HMCN2: variants seen among roughly 807,000 people sequenced by gnomAD.
The protein encoded by HMCN2 is hemicentin 2, also known as hemicentin-2.
A neutral mutation model predicts 377.5 loss-of-function variants in HMCN2; 325 were observed. The observed-to-expected ratio is 0.86, with a 90% CI of 0.79 to 0.94. HMCN2 has a LOEUF of 0.94. HMCN2 is among the 40% of genes least tolerant of loss of function. HMCN2 has a pLI of 0.00. For missense variants in HMCN2, 4,543 were observed against 4,725.3 expected, an observed-to-expected ratio of 0.96 and a Z score of 1.13; for synonymous variants, 2,007 against 2,046.8, an observed-to-expected ratio of 0.98 and a Z score of 0.53.
intron 1 of HMCN2, among the ~76,000 whole-genome samples, chr9:130,269,556 C>A (rs1554920380): frequency 6.8e-6 from 1 of 147,938 alleles, no homozygotes; most frequent in African/African-American, 2.4e-5. Context: ...AGCACAGCCA[C>A]CCCCAACACT....
At position 130,407,609 on chromosome 9, in the gene HMCN2, C is replaced by T. The variant is rs1249812343; in HGVS notation, c.12592C>T (p.Arg4198Trp). Reference sequence around the variant, plus strand: ...GCAGGATGGAGGCAGCACGCTGCAGCGGGCCGCTGTCTCCAGAGAAGACAG... The same window carrying T: ...GCAGGATGGAGGCAGCACGCTGCAGTGGGCCGCTGTCTCCAGAGAAGACAG... ...SEQDGGSTLQ[R>W]AAVSREDSGT... Residue 4198 changes from arginine to tryptophan, a missense_variant, in exon 83 of 98, where the codon CGG becomes TGG. By Grantham distance (101) the Arg-to-Trp change is moderately radical. Coordinates refer to ENST00000683500, the MANE Select transcript of HMCN2 (RefSeq NM_001291815.2). 23 of 1,289,072 alleles carry T rather than the reference C, an allele frequency of 1.8e-5. No homozygotes were observed. Among genetic ancestry groups the T allele is most frequent in the East Asian group, 5.6e-5 (1 of 17,972 alleles). The allele number at this position is 1,289,072 out of a possible 1,614,324, so 79.9% of individuals were successfully genotyped here. A position where few individuals can be genotyped will look rare whatever the true frequency, so the allele number is the denominator to read the frequency against.
At chr9:130,270,094 A>G (rs1554920572) in intron 1 of HMCN2, among the ~76,000 whole-genome samples, 1 of 146,954 alleles carries the variant, frequency 6.8e-6, no homozygotes, top group Non-Finnish European at 1.5e-5. Context: ...TACAGGCATG[A>G]GCTACCATGC....
In HMCN2 at chr9:130,394,536, C is replaced by T; in HGVS notation, c.10653C>T (p.Asn3551=). The stretch of plus-strand genomic sequence containing the variant: ...AGGCCCTGACCAGGCTGGAGAACAA[C>T]AGCAGAGCCACACGGGTGCTCCGGG... The part of the protein sequence containing the change: ...DGQALTRLEN[N]SRATRVLRVE... Residue 3551 remains asparagine (N), a synonymous_variant, in exon 69 of 98, where the codon AAC becomes AAT. Coordinates refer to ENST00000683500, the MANE Select transcript of HMCN2 (RefSeq NM_001291815.2). This position sits in a 1 kb window ranked among gnomAD's most constrained non-coding sequence, Gnocchi z 5.1. The T allele has an allele frequency of 7.8e-7, 1 of 1,289,556 alleles. No individual in the cohort carries two copies. Among genetic ancestry groups the T allele is most frequent in the Non-Finnish European group, 1.0e-6 (1 of 988,748 alleles). The allele number at this position is 1,289,556 out of a possible 1,614,324, so 79.9% of individuals were successfully genotyped here.
intron 80 of HMCN2, among the ~76,000 whole-genome samples, chr9:130,404,496 C>T (rs566695435): frequency 1.4e-4 from 21 of 152,316 alleles, no homozygotes; most frequent in Admixed American, 1.2e-3. Context: ...ATAGCTCCTC[C>T]GCAGGGATGC....
chr9:130,300,790 G>T lies in HMCN2; in HGVS notation c.1276+1502G>T, dbSNP rs80225524. ...TTGCTGGTTTCCTGTGTGTCCCTGA[G>T]GTCTCACCGTTCAGGCTGGAAGCTC... On this transcript the variant is annotated intron_variant, in intron 8 of 97. Transcript: ENST00000683500. Among the ~76,000 whole-genome samples the T allele has an allele frequency of 1.3e-3, 195 of 152,312 alleles. 2 individuals are homozygous for T. The highest frequency in any genetic ancestry group is 4.4e-3 in the African/African-American group (184 of 41,556).
At chr9:130,346,029 G>A (rs1282175308) in intron 25 of HMCN2, among the ~76,000 whole-genome samples, 1 of 152,096 alleles carries the variant, frequency 6.6e-6, no homozygotes, top group Non-Finnish European at 1.5e-5. Flanking sequence ...TGCCAGGGGC[G>A]GCCCTTTCTG....
rs1554932248 is a variant in HMCN2, at chr9:130,296,680, A to G, written c.898A>G (p.Ser300Gly). ...HPGLWSIKVY[S>G]SGRHSVRITG... is the part of the protein sequence containing the mutation. ...AGACCTGGGCCTGCGCTAGGTCTAT[A>G]GCAGTGGCCGCCATTCAGTGAGGAT... The change falls in exon 7 of 98, where the codon AGC becomes GGC. Residue 300 changes from serine (S) to glycine (G), a missense_variant. Around this residue, in one of 5 missense-constraint regions of HMCN2, gnomAD observed 547 missense variants for 189.9 expected, o/e 2.88. Coordinates refer to ENST00000683500, the MANE Select transcript of HMCN2 (RefSeq NM_001291815.2). 2.1e-6 allele frequency: 1 copy of G among 470,974 alleles called. No individual in the cohort carries two copies. The highest frequency in any genetic ancestry group is 4.4e-6 in the Non-Finnish European group (1 of 227,068). The allele number at this position is 470,974 out of a possible 1,614,324, so 29.2% of individuals were successfully genotyped here.
chr9:130,431,307 T>C, intron 95 of HMCN2, 60 bp from the exon 96 acceptor site: 2 of 1,504,960 alleles, frequency 1.3e-6, no homozygotes, highest in Non-Finnish European at 1.8e-6. Context: ...TTGGTGTCTG[T>C]GGCTCAGTGC....
At chr9:130,431,239 A>G in intron 95 of HMCN2, 128 bp from the exon 96 acceptor site, 3 of 943,960 alleles carry the variant, frequency 3.2e-6, no homozygotes, top group Non-Finnish European at 4.7e-6. Context: ...TGGGAGGGGC[A>G]GGACAGGGAG....
rs995019952 is a variant in HMCN2, at chr9:130,295,776, G to A, written c.891+4G>A. On this transcript the variant is annotated splice_donor_region_variant and intron_variant, in intron 6 of 97. Transcript: ENST00000683500. ...TCCGGGGCTGTGGTCCATCAAGGTA[G>A]GGGCACTGGGTTGCAGGAGAAAGGT... 1 of 470,796 alleles carries A rather than the reference G, an allele frequency of 2.1e-6. No homozygotes were observed. The highest frequency in any genetic ancestry group is 4.4e-6 in the Non-Finnish European group (1 of 226,918). 29.2% of individuals were successfully genotyped at this position (470,796 alleles called of 1,614,324 possible). A position where few individuals can be genotyped will look rare whatever the true frequency, so the allele number is the denominator to read the frequency against.
At position 130,396,277 on chromosome 9, in the gene HMCN2, G is replaced by A. The variant is rs74740147; in HGVS notation, c.11162G>A (p.Arg3721Gln). ...GTGCCCGCACCCCTCGTGAGCTGGC[G>A]GAAGGACAGGGTCCCCCTGGATCCC... ...DGVPAPLVSW[R>Q]KDRVPLDPRS... The change falls in exon 73 of 98, where the codon CGG (arginine) becomes CAG (glutamine). Residue 3721 changes from arginine (R) to glutamine (Q), a missense_variant. Physicochemically the swap from Arg to Gln is conservative, Grantham distance 43. Coordinates refer to ENST00000683500, the MANE Select transcript of HMCN2 (RefSeq NM_001291815.2). The A allele has an allele frequency of 3.7e-4, 472 of 1,283,598 alleles. 9 individuals carry two copies. The East Asian group carries it at 0.021, about 57-fold the overall frequency. 79.5% of individuals were successfully genotyped at this position (1,283,598 alleles called of 1,614,324 possible). A position where few individuals can be genotyped will look rare whatever the true frequency, so the allele number is the denominator to read the frequency against.
chr9:130,424,651 A>G, intron 87 of HMCN2, 125 bp from the exon 88 acceptor site: 2 of 969,006 alleles, frequency 2.1e-6, no homozygotes, highest in Non-Finnish European at 2.8e-6. Flanking sequence ...AAGGCTGAGT[A>G]TGGACATCAA....
Position 130,398,403 on chromosome 9 carries a change from C to T in HMCN2, c.11327-148C>T, listed in dbSNP as rs975733956. 3.3e-5 allele frequency: 7 copies of T among 214,524 alleles called. No individual in the cohort carries two copies. In the East Asian group the frequency reaches 1.1e-3, roughly 34 times the overall value. 13.3% of individuals were successfully genotyped at this position (214,524 alleles called of 1,614,324 possible). A position where few individuals can be genotyped will look rare whatever the true frequency, so the allele number is the denominator to read the frequency against. Reference sequence around the variant, plus strand: ...AAACACCCTGCTGGAAGCGCTGTCTCGGGGCTTTCTCCTGCCCTCTCCCTC... The same window carrying T: ...AAACACCCTGCTGGAAGCGCTGTCTTGGGGCTTTCTCCTGCCCTCTCCCTC... On this transcript the variant is annotated intron_variant, in intron 74 of 97. Transcript: ENST00000683500.
intron 1 of HMCN2, among the ~76,000 whole-genome samples, chr9:130,269,860 G>T (rs1397750667): frequency 6.8e-6 from 1 of 147,888 alleles, no homozygotes; most frequent in African/African-American, 2.4e-5. Context: ...GCCCAGGCTG[G>T]AGTGCAGTGG....
Position 130,351,483 on chromosome 9 carries a change from C to T in HMCN2, c.4491C>T (p.Ile1497=). 5 of 1,304,300 alleles carry T rather than the reference C, an allele frequency of 3.8e-6. No individual in the cohort carries two copies. The highest frequency in any genetic ancestry group is 5.1e-6 in the Non-Finnish European group (5 of 988,936). The allele number at this position is 1,304,300 out of a possible 1,614,324, so 80.8% of individuals were successfully genotyped here. A position where few individuals can be genotyped will look rare whatever the true frequency, so the allele number is the denominator to read the frequency against. Residue 1497 remains isoleucine (I), a synonymous_variant, in exon 30 of 98, where the codon ATC becomes ATT. Transcript: ENST00000683500. The surrounding 1 kb of genome is among the most constrained non-coding windows in gnomAD (Gnocchi z 5.4). ...AGGAGGATGGCCAGGTTCTCAGGATCACCGGCAGTCACGTGGGGGATGAGG... is the reference window on the plus strand; with the variant it reads ...AGGAGGATGGCCAGGTTCTCAGGATTACCGGCAGTCACGTGGGGGATGAGG... ...QVQEDGQVLR[I]TGSHVGDEGR... is the part of the protein sequence containing the mutation.
Position 130,428,268 on chromosome 9 carries a change from A to T in HMCN2, c.14066-90A>T. On this transcript the variant is annotated intron_variant, in intron 92 of 97. Coordinates refer to ENST00000683500, the MANE Select transcript of HMCN2 (RefSeq NM_001291815.2). This position sits in a 1 kb window ranked among gnomAD's most constrained non-coding sequence, Gnocchi z 5.0. ...CAGTGGCTCCTGGGCCTGCGGACGA[A>T]GCCTCTGTGGATAGGCCGGGCCAGG... The T allele has an allele frequency of 7.1e-6, 10 of 1,408,938 alleles. No individual in the cohort carries two copies. The highest frequency in any genetic ancestry group is 9.3e-6 in the Non-Finnish European group (10 of 1,071,136). 87.3% of individuals were successfully genotyped at this position (1,408,938 alleles called of 1,614,324 possible). A position where few individuals can be genotyped will look rare whatever the true frequency, so the allele number is the denominator to read the frequency against.
At chr9:130,410,461 C>CAACA (rs1843350093) in intron 84 of HMCN2, 110 bp from the exon 85 acceptor site, 2 of 942,746 alleles carry the variant, frequency 2.1e-6, no homozygotes, top group Admixed American at 4.2e-5. Context: ...CTGGCTGGTT[C>CAACA]ACAGCCTAAG....
Position 130,266,198 on chromosome 9 carries a change from C to CT in HMCN2, c.259+61_259+62insT, listed in dbSNP as rs1347675096. 964 of 328,492 alleles carry CT rather than the reference C, an allele frequency of 2.9e-3. 5 individuals are homozygous for CT. The highest frequency in any genetic ancestry group is 0.017 in the East Asian group (147 of 8,624). The allele number at this position is 328,492 out of a possible 1,614,324, so 20.3% of individuals were successfully genotyped here. On this transcript the variant is annotated intron_variant, in intron 1 of 97. Coordinates refer to ENST00000683500, the MANE Select transcript of HMCN2 (RefSeq NM_001291815.2). ...CTTCGAGGTGCTCTCACCTGCCTGA[C>CT]CCCCTCAGTTGGCCCCGAACGCACC...
intron 40 of HMCN2, among the ~76,000 whole-genome samples, chr9:130,363,629 C>T (rs1485912150): frequency 6.6e-6 from 1 of 152,036 alleles, no homozygotes; most frequent in African/African-American, 2.4e-5. Flanking sequence ...CGAGACCAGC[C>T]TGGCCAACGC....
Sources: allele counts gnomAD v4.1 joint callset (sites outside exome capture counted in the v4.1 genomes callset), GRCh38; gene constraint gnomAD v4.1.1; regional missense constraint gnomAD v4.1.1; non-coding constraint Gnocchi (gnomAD v3.1); transcripts MANE v1.5; gene names NCBI Gene and HGNC (gene_info 2026-07-23, HGNC 2026-07-21).